ULK4: variants seen among roughly 807,000 people sequenced by gnomAD.
ULK4 encodes the protein inactive serine/threonine-protein kinase ULK4.
Under a neutral mutation model 160.6 loss-of-function variants are expected in ULK4, and 133 were observed. The ratio of observed to expected loss-of-function variants is 0.83; its 90% CI spans 0.72 to 0.96. The LOEUF is 0.96. ULK4 is among the 40% of genes least tolerant of loss of function. The pLI is 0.00. For synonymous variants in ULK4, 534 were observed against 539.8 expected (o/e 0.99, Z 0.15); for missense variants, 1,580 against 1,499.5 (o/e 1.05, Z -0.89).
intron 17 of ULK4, among the ~76,000 whole-genome samples, chr3:41,860,497 G>C (rs1051211317): frequency 6.6e-6 from 1 of 152,134 alleles, no homozygotes; most frequent in African/African-American, 2.4e-5. Context: ...TCCTCTTACA[G>C]ATTTTGTCTT....
chr3:41,283,609 C>T (rs1303003009), intron 35 of ULK4, among the ~76,000 whole-genome samples: 1 of 152,132 alleles, frequency 6.6e-6, no homozygotes, highest in African/African-American at 2.4e-5. Flanking sequence ...AACACATGGA[C>T]ACAGGGTGGA....
At chr3:41,459,060 T>C (rs2083621486) in intron 33 of ULK4, among the ~76,000 whole-genome samples, 1 of 151,250 alleles carries the variant, frequency 6.6e-6, no homozygotes, top group South Asian at 2.1e-4. Flanking sequence ...AGCCTTTATT[T>C]TTATTTTTTG....
chr3:41,763,812 T>TCC (rs1452474972), intron 21 of ULK4, among the ~76,000 whole-genome samples: 2 of 152,254 alleles, frequency 1.3e-5, no homozygotes, highest in Admixed American at 6.5e-5. Context: ...CAATTTACTG[T>TCC]CCATCAATAT....
In ULK4 at chr3:41,663,653, G is replaced by C. The variant is rs528594396; in HGVS notation, c.3025C>G (p.Leu1009Val). 4.3e-6 allele frequency: 7 copies of C among 1,613,992 alleles called. No homozygotes were observed. Among genetic ancestry groups the C allele is most frequent in the African/African-American group, 1.3e-5 (1 of 75,054 alleles). ...TCAGTCATCGCGACTAGCAGTTTCA[G>C]AGCATATGCTGGTACTGGGTCAGGT... is the stretch of plus-strand genomic sequence containing the variant. ...LEPDPVPAYA[L>V]KLLVAMTEHN... The change falls in exon 30 of 37, where the codon CTG (leucine) becomes GTG (valine). Residue 1009 changes from leucine to valine, a missense_variant. Physicochemically the swap from Leu to Val is conservative, Grantham distance 32 (BLOSUM62 1). Transcript: ENST00000301831.
chr3:41,681,468 C>T (rs1481979724), intron 29 of ULK4, 40 bp downstream of exon 29: 1 of 1,610,736 alleles, frequency 6.2e-7, no homozygotes, highest in South Asian at 1.1e-5. Flanking sequence ...TCCTGGATAG[C>T]CTACACTTCT....
chr3:41,951,665 C>A (rs1347172533), intron 2 of ULK4, among the ~76,000 whole-genome samples: 6 of 152,166 alleles, frequency 3.9e-5, no homozygotes, highest in Non-Finnish European at 7.4e-5. Flanking sequence ...GAAGTTGGAC[C>A]TTTACTGTTG....
intron 5 of ULK4, among the ~76,000 whole-genome samples, chr3:41,923,859 A>T (rs540569862): frequency 4.5e-4 from 69 of 152,132 alleles, no homozygotes; most frequent in Admixed American, 7.9e-4. Context: ...CTGGGCCAAA[A>T]CTGAGCGTAG....
chr3:41,614,430 G>A (rs938327052), intron 31 of ULK4, among the ~76,000 whole-genome samples: 1 of 152,222 alleles, frequency 6.6e-6, no homozygotes, highest in African/African-American at 2.4e-5. Context: ...CAAATAATGT[G>A]TATCTGACTG....
chr3:41,638,874 T>G (rs1255488771), intron 30 of ULK4, among the ~76,000 whole-genome samples: 1 of 152,272 alleles, frequency 6.6e-6, no homozygotes, highest in Non-Finnish European at 1.5e-5. Context: ...GTGGCAGGTG[T>G]ATGCAATATA....
chr3:41,428,253 C>T (rs1575546151), intron 34 of ULK4, among the ~76,000 whole-genome samples: 1 of 152,082 alleles, frequency 6.6e-6, no homozygotes, highest in East Asian at 1.9e-4. Flanking sequence ...AACCACTGCT[C>T]AAGGAAATCA....
intron 32 of ULK4, among the ~76,000 whole-genome samples, chr3:41,485,649 T>G (rs2084499535): frequency 6.6e-6 from 1 of 152,246 alleles, no homozygotes; most frequent in South Asian, 2.1e-4. Flanking sequence ...CTAGCTGATG[T>G]TGCGGGAGGT....
chr3:41,855,405 C>T (rs143385375), intron 17 of ULK4, among the ~76,000 whole-genome samples: 43 of 152,276 alleles, frequency 2.8e-4, no homozygotes, highest in African/African-American at 1.0e-3. Context: ...CTAATGTAAG[C>T]ATCTACTGCA....
intron 30 of ULK4, among the ~76,000 whole-genome samples, chr3:41,627,714 TACAA>T (rs1158903371): frequency 1.5e-4 from 23 of 152,192 alleles, no homozygotes; most frequent in African/African-American, 5.3e-4. Context: ...TTAACAGATA[TACAA>T]ACAAATATAA....
chr3:41,461,992 A>C (rs2083696878), intron 33 of ULK4, among the ~76,000 whole-genome samples: 1 of 152,210 alleles, frequency 6.6e-6, no homozygotes, highest in Non-Finnish European at 1.5e-5. Flanking sequence ...GTTAATTTGG[A>C]ATTATTATAA....
At chr3:41,877,798 A>G (rs1006011918) in intron 17 of ULK4, among the ~76,000 whole-genome samples, 1 of 151,898 alleles carries the variant, frequency 6.6e-6, no homozygotes, top group Non-Finnish European at 1.5e-5. Context: ...CCTGGCCAAC[A>G]TGGTGAAACC....
intron 32 of ULK4, among the ~76,000 whole-genome samples, chr3:41,555,503 T>A (rs773795339): frequency 1.1e-4 from 16 of 152,086 alleles, no homozygotes; most frequent in Non-Finnish European, 1.8e-4. Context: ...ATGGCCATTA[T>A]TAAAAAGTCA....
chr3:41,893,327 A>G (rs1398406555), intron 16 of ULK4, among the ~76,000 whole-genome samples: 1 of 152,226 alleles, frequency 6.6e-6, no homozygotes, highest in East Asian at 1.9e-4. Context: ...AATTTTTTAA[A>G]TTACAGTATT....
intron 21 of ULK4, among the ~76,000 whole-genome samples, chr3:41,776,663 G>C (rs2039640123): frequency 7.3e-6 from 1 of 137,568 alleles, no homozygotes; most frequent in South Asian, 2.3e-4. Flanking sequence ...GGCTTTTTCT[G>C]CATCTATTGA....
Position 41,898,476 on chromosome 3 carries a change from G to A in ULK4, c.1304C>T (p.Pro435Leu), listed in dbSNP as rs760981056. 6.3e-7 allele frequency: 1 copy of A among 1,595,006 alleles called. No homozygotes were observed. Among genetic ancestry groups the A allele is most frequent in the Non-Finnish European group, 8.5e-7 (1 of 1,171,850 alleles). ...CAATATTTTTGCATCAAATTTAACT[G>A]GTGGCTGTTTCATTATCTGTGGTTT... is the stretch of plus-strand genomic sequence containing the variant. ...IDNPKIMKQP[P>L]VKFDAKILHL... The change falls in exon 14 of 37, where the codon CCA (proline) becomes CTA (leucine). Residue 435 changes from proline (P) to leucine (L), a missense_variant. By Grantham distance (98) the Pro-to-Leu change is moderately conservative. Transcript: ENST00000301831.
Sources: gnomAD v4.1 joint callset for allele counts (sites outside exome capture counted in the v4.1 genomes callset) on GRCh38, gnomAD v4.1.1 for gene constraint, MANE v1.5 for transcripts, NCBI Gene and HGNC (gene_info 2026-07-23, HGNC 2026-07-21) for gene names.